Variants in BBS9 observed in about 807,000 individuals in gnomAD.
The protein encoded by BBS9 is Bardet-Biedl syndrome 9.
A neutral mutation model predicts 117.7 loss-of-function variants in BBS9; 89 were observed. That is an observed-to-expected ratio of 0.76 (90% CI 0.64 to 0.90). BBS9 has a LOEUF of 0.90. Ranked by LOEUF, BBS9 falls within the 40% of genes least tolerant of loss-of-function variation. The pLI is 0.00. For synonymous variants in BBS9, 379 were observed against 370.9 expected, an observed-to-expected ratio of 1.02 and a Z score of -0.25; for missense variants, 982 against 1,042.2, an observed-to-expected ratio of 0.94 and a Z score of 0.80.
rs1343766096 is a variant in BBS9 at position 33,522,513 on chromosome 7, T to G, written c.2299-11441T>G. On this transcript the variant is annotated intron_variant, in intron 20 of 22. Transcript: ENST00000242067. ...TGATGGCCAGTGATGATGAGCATTT[T>G]TTCATGTGTTTTTTGGCTGCATAAA... 2.6e-5 allele frequency among the ~76,000 whole-genome samples: 4 copies of G among 152,250 alleles called. No individual in the cohort carries two copies. The East Asian group carries it at 7.7e-4, about 29-fold the overall frequency.
chr7:33,359,778 G>A (rs561790163), intron 16 of BBS9, among the ~76,000 whole-genome samples: 2 of 151,976 alleles, frequency 1.3e-5, no homozygotes, highest in African/African-American at 4.8e-5. Flanking sequence ...TACTCTACAT[G>A]TCTTCCCATT....
chr7:33,448,279 C>T (rs941247250), intron 19 of BBS9, among the ~76,000 whole-genome samples: 56 of 152,174 alleles, frequency 3.7e-4, no homozygotes, highest in African/African-American at 1.3e-3. Context: ...CCCTTGTTTC[C>T]TAGCCTTTCT....
intron 4 of BBS9, among the ~76,000 whole-genome samples, chr7:33,169,066 T>C (rs1796125548): frequency 6.6e-6 from 1 of 151,910 alleles, no homozygotes; most frequent in African/African-American, 2.4e-5. Context: ...CGGTGTTTGG[T>C]TTTTTGTCCT....
intron 17 of BBS9, among the ~76,000 whole-genome samples, chr7:33,368,577 T>TACAC (rs201655079): frequency 0.023 from 2,989 of 128,426 alleles, 63 homozygotes; most frequent in East Asian, 0.1. Flanking sequence ...GAGAAAAAAG[T>TACAC]ACACACACAC....
At chr7:33,228,800 G>A (rs1299279155) in intron 5 of BBS9, among the ~76,000 whole-genome samples, 1 of 152,072 alleles carries the variant, frequency 6.6e-6, no homozygotes, top group Non-Finnish European at 1.5e-5. Context: ...TGAATAGGCT[G>A]GGGAGGAGGA....
chr7:33,570,855 A>G (rs1038717673), intron 21 of BBS9, among the ~76,000 whole-genome samples: 3 of 152,196 alleles, frequency 2.0e-5, no homozygotes, highest in Non-Finnish European at 4.4e-5. Context: ...CATTTCAGAA[A>G]ATAATTCGTC....
intron 5 of BBS9, among the ~76,000 whole-genome samples, chr7:33,183,540 G>T (rs189570682): frequency 6.6e-6 from 1 of 152,214 alleles, no homozygotes; most frequent in African/African-American, 2.4e-5. Flanking sequence ...GCTTTTAAAT[G>T]TTACCAAAAG....
rs1332776346 is a variant in BBS9, at chr7:33,344,087, T to G, written c.1276-494T>G. On this transcript the variant is annotated intron_variant, in intron 11 of 22. Coordinates refer to ENST00000242067, the MANE Select transcript of BBS9 (RefSeq NM_198428.3). ...CCTTTTTAGGGGATGAGTTTTTTTT[T>G]TTTTTTTTTTTTTTTTGAGGCAGAG... Among the ~76,000 whole-genome samples the G allele has an allele frequency of 4.4e-5, 6 of 136,784 alleles. No homozygotes were observed. The East Asian group carries it at 8.2e-4, about 19-fold the overall frequency. The allele number at this position is 136,784 out of a possible 152,430, so 89.7% of individuals were successfully genotyped here. A position where few individuals can be genotyped will look rare whatever the true frequency, so the allele number is the denominator to read the frequency against.
At chr7:33,259,502 T>C (rs1439763959) in intron 6 of BBS9, among the ~76,000 whole-genome samples, 1 of 152,152 alleles carries the variant, frequency 6.6e-6, no homozygotes, top group East Asian at 1.9e-4. Flanking sequence ...TTGAGCACCA[T>C]TTTTCTTTTT....
intron 19 of BBS9, among the ~76,000 whole-genome samples, chr7:33,401,925 T>C (rs1828984707): frequency 6.6e-6 from 1 of 152,198 alleles, no homozygotes; most frequent in African/African-American, 2.4e-5. Flanking sequence ...CTTCCTTATA[T>C]AATATCATGT....
intron 19 of BBS9, among the ~76,000 whole-genome samples, chr7:33,399,330 C>A (rs1828533603): frequency 6.6e-6 from 1 of 152,116 alleles, no homozygotes; most frequent in Admixed American, 6.6e-5. Flanking sequence ...AGTTGTGAAG[C>A]ACTCTTAGGT....
intron 9 of BBS9, among the ~76,000 whole-genome samples, chr7:33,305,401 G>T (rs1807673093): frequency 6.6e-6 from 1 of 151,986 alleles, no homozygotes. Context: ...TGTTGGTTTG[G>T]GTATCAGATT....
chr7:33,303,806 G>T (rs1227690611), intron 9 of BBS9, among the ~76,000 whole-genome samples: 1 of 151,992 alleles, frequency 6.6e-6, no homozygotes, highest in Non-Finnish European at 1.5e-5. Flanking sequence ...CGCTCACTCA[G>T]TGCTCAATGT....
chr7:33,568,422 A>G (rs576196074), intron 21 of BBS9, among the ~76,000 whole-genome samples: 1 of 152,262 alleles, frequency 6.6e-6, no homozygotes, highest in Non-Finnish European at 1.5e-5. Flanking sequence ...GCTTACCCCT[A>G]TCATGGATTT....
At chr7:33,519,210 A>G (rs1848247918) in intron 20 of BBS9, among the ~76,000 whole-genome samples, 1 of 152,216 alleles carries the variant, frequency 6.6e-6, no homozygotes, top group Non-Finnish European at 1.5e-5. Context: ...TTAAGGACAC[A>G]TCATTGTCAG....
intron 19 of BBS9, among the ~76,000 whole-genome samples, chr7:33,453,389 T>C (rs373206419): frequency 1.1e-4 from 17 of 152,300 alleles, no homozygotes; most frequent in South Asian, 1.0e-3. Context: ...CTTGTGCCTC[T>C]GCCACCTCAG....
chr7:33,394,021 C>T (rs1474395530), intron 19 of BBS9, among the ~76,000 whole-genome samples: 1 of 152,120 alleles, frequency 6.6e-6, no homozygotes, highest in East Asian at 1.9e-4. Flanking sequence ...TCTACTACTG[C>T]ATCATACTCC....
chr7:33,332,956 C>G (rs987493223), intron 9 of BBS9, among the ~76,000 whole-genome samples: 15 of 152,118 alleles, frequency 9.9e-5, no homozygotes, highest in Non-Finnish European at 1.5e-5. Flanking sequence ...TATCCATCTC[C>G]AGAACTTTTT....
intron 5 of BBS9, among the ~76,000 whole-genome samples, chr7:33,246,450 C>T (rs1375504035): frequency 3.3e-5 from 5 of 151,888 alleles, no homozygotes; most frequent in South Asian, 2.1e-4. Context: ...TTGAAGTTAA[C>T]GCTTTATGGG....
Sources: gnomAD v4.1 joint callset for allele counts (sites outside exome capture counted in the v4.1 genomes callset) on GRCh38, gnomAD v4.1.1 for gene constraint, MANE v1.5 for transcripts, NCBI Gene and HGNC (gene_info 2026-07-23, HGNC 2026-07-21) for gene names.